The following TMEM14A variants were observed in gnomAD, a reference collection of about 807,000 sequenced individuals.
TMEM14A encodes the protein transmembrane protein 14A.
Under a neutral mutation model 11.6 loss-of-function variants are expected in TMEM14A, and 8 were observed. The observed-to-expected ratio is 0.69, with a 90% CI of 0.40 to 1.24. The LOEUF (loss-of-function observed/expected upper bound fraction) is 1.24, where lower values mean the gene tolerates loss of function less well. TMEM14A is among the 50% of genes most tolerant of loss of function. The pLI is 0.01. For synonymous variants in TMEM14A, 34 were observed against 45.5 expected (o/e 0.75, Z 1.02); for missense variants, 108 against 121.9 (o/e 0.89, Z 0.54).
At chr6:52,680,840 C>T (rs1008669593) in intron 2 of TMEM14A, among the ~76,000 whole-genome samples, 11 of 148,524 alleles carry the variant, frequency 7.4e-5, no homozygotes, top group Non-Finnish European at 4.5e-5. Flanking sequence ...TTTGTCTTCT[C>T]ATTCAGAATG....
At chr6:52,684,035 A>AAACC in intron 3 of TMEM14A, 43 bp from the exon 4 acceptor site, 1 of 1,571,700 alleles carries the variant, frequency 6.4e-7, no homozygotes, top group Admixed American at 1.7e-5. Flanking sequence ...AAGCATTGAT[A>AAACC]ACATGTTTGA....
In TMEM14A at chr6:52,673,693, A is replaced by G. The variant is rs549162672; in HGVS notation, c.-17+2448A>G. 1.1e-4 allele frequency among the ~76,000 whole-genome samples: 16 copies of G among 152,204 alleles called. No homozygotes were observed. The South Asian group carries it at 2.7e-3, about 26-fold the overall frequency. Reference sequence around the variant, plus strand: ...GGGCTCATTCACACATCTGCCTCCTACAGCTGTGTTGTACTATAGTTCCTG... The same window carrying G: ...GGGCTCATTCACACATCTGCCTCCTGCAGCTGTGTTGTACTATAGTTCCTG... On this transcript the variant is annotated intron_variant, in intron 1 of 4. Transcript: ENST00000211314.
intron 2 of TMEM14A, among the ~76,000 whole-genome samples, chr6:52,678,317 GTA>G (rs1491031495): frequency 2.4e-3 from 77 of 31,756 alleles, no homozygotes; most frequent in African/African-American, 9.3e-3. Flanking sequence ...GAGAGTGTGT[GTA>G]TGTGTGTGTT....
rs1769496821 is a variant in TMEM14A, at chr6:52,686,509, T to A, written c.*460T>A. On this transcript the variant is annotated 3_prime_UTR_variant, in exon 5 of 5. Transcript: ENST00000211314. ...TTGCTGCCAGTGCTATTTTTTTCTT[T>A]AAAAAATTTTATTCTTAGCACACTG... The A allele has an allele frequency of 2.6e-6, 1 of 382,326 alleles. No homozygotes were observed. Among genetic ancestry groups the A allele is most frequent in the Non-Finnish European group, 4.7e-6 (1 of 214,722 alleles). The allele number at this position is 382,326 out of a possible 1,614,324, so 23.7% of individuals were successfully genotyped here.
chr6:52,676,200 T>C (rs1769255140), intron 1 of TMEM14A, among the ~76,000 whole-genome samples: 1 of 152,074 alleles, frequency 6.6e-6, no homozygotes, highest in Admixed American at 6.6e-5. Context: ...CAGAGTGTGC[T>C]TAACAGTGAT....
intron 2 of TMEM14A, among the ~76,000 whole-genome samples, chr6:52,680,669 G>GTGTATATATA (rs1769360469): frequency 1.4e-4 from 5 of 35,970 alleles, no homozygotes; most frequent in Admixed American, 1.1e-3. Flanking sequence ...ATATATATGT[G>GTGTATATATA]TATATATATA....
intron 1 of TMEM14A, among the ~76,000 whole-genome samples, chr6:52,672,337 T>TG (rs1028749471): frequency 1.4e-5 from 2 of 142,574 alleles, no homozygotes; most frequent in African/African-American, 4.9e-5. Context: ...CAGGAAGAGC[T>TG]GGGGGGCTCA....
At chr6:52,674,401 T>G (rs1769216842) in intron 1 of TMEM14A, among the ~76,000 whole-genome samples, 2 of 152,210 alleles carry the variant, frequency 1.3e-5, no homozygotes. Context: ...AGGTTAGGAC[T>G]GAGACTTCCC....
intron 2 of TMEM14A, among the ~76,000 whole-genome samples, chr6:52,680,182 A>G (rs942897511): frequency 4.6e-5 from 7 of 152,064 alleles, no homozygotes; most frequent in Non-Finnish European, 1.0e-4. Context: ...GCATATAAAC[A>G]TATGATCAGG....
At chr6:52,681,615 T>G (rs1344812025) in intron 2 of TMEM14A, among the ~76,000 whole-genome samples, 198 bp from the exon 3 acceptor site, 2 of 152,204 alleles carry the variant, frequency 1.3e-5, no homozygotes, top group Non-Finnish European at 2.9e-5. Context: ...CTCCTCTGCC[T>G]TGCATTTGGG....
chr6:52,680,581 A>ATATT (rs1242807893), intron 2 of TMEM14A, among the ~76,000 whole-genome samples: 1 of 60,724 alleles, frequency 1.6e-5, no homozygotes, highest in Admixed American at 1.4e-4. Context: ...AAGCCACTAT[A>ATATT]TATTTATATA....
In TMEM14A at chr6:52,674,520, T is replaced by C. The variant is rs184673314; in HGVS notation, c.-16-2567T>C. ...AGGATAATCATGACAGTACATACCA[T>C]AGGGTGTGGTCATGATTACATGAGT... On this transcript the variant is annotated intron_variant, in intron 1 of 4. Coordinates refer to ENST00000211314, the MANE Select transcript of TMEM14A (RefSeq NM_014051.4). Among the ~76,000 whole-genome samples, 17 of 152,278 alleles carry C rather than the reference T, an allele frequency of 1.1e-4. No individual in the cohort carries two copies. In the East Asian group the frequency reaches 3.1e-3, roughly 28 times the overall value.
At chr6:52,680,657 G>GTGTATATATATA (rs1769357098) in intron 2 of TMEM14A, among the ~76,000 whole-genome samples, 1 of 46,640 alleles carries the variant, frequency 2.1e-5, no homozygotes, top group Non-Finnish European at 4.1e-5. Flanking sequence ...ATATGTGTGT[G>GTGTATATATATA]TATATATATG....
intron 2 of TMEM14A, among the ~76,000 whole-genome samples, chr6:52,680,236 G>A (rs549867171): frequency 6.6e-6 from 1 of 151,976 alleles, no homozygotes; most frequent in South Asian, 2.1e-4. Flanking sequence ...AGAATGGTGG[G>A]TTGGAGAAGA....
At chr6:52,683,060 G>A (rs1459356851) in intron 3 of TMEM14A, among the ~76,000 whole-genome samples, 1 of 152,088 alleles carries the variant, frequency 6.6e-6, no homozygotes, top group African/African-American at 2.4e-5. Flanking sequence ...ATTAATGAGT[G>A]TCTCCTGTGG....
chr6:52,680,904 T>TTGTGTTTG (rs1271994572), intron 2 of TMEM14A, among the ~76,000 whole-genome samples: 1 of 148,972 alleles, frequency 6.7e-6, no homozygotes, highest in South Asian at 2.1e-4. Context: ...GTTGTATGTG[T>TTGTGTTTG]TGTGTTTGTG....
intron 1 of TMEM14A, among the ~76,000 whole-genome samples, chr6:52,676,828 C>T (rs912496251): frequency 1.3e-5 from 2 of 152,140 alleles, no homozygotes; most frequent in Non-Finnish European, 2.9e-5. Context: ...GGAAGTGCTA[C>T]ACGCTTTCAA....
At chr6:52,671,292 T>A (rs1769155786) in intron 1 of TMEM14A, 47 bp downstream of exon 1, 1 of 152,322 alleles carries the variant, frequency 6.6e-6, no homozygotes, top group Non-Finnish European at 1.5e-5. Flanking sequence ...CTGAATTTTC[T>A]TACAAAACTG....
chr6:52,674,602 C>T (rs1769220584), intron 1 of TMEM14A, among the ~76,000 whole-genome samples: 1 of 152,106 alleles, frequency 6.6e-6, no homozygotes, highest in Non-Finnish European at 1.5e-5. Flanking sequence ...ATAGTAATTG[C>T]TCAAAAACAT....
Sources: allele counts gnomAD v4.1 joint callset (sites outside exome capture counted in the v4.1 genomes callset), GRCh38; gene constraint gnomAD v4.1.1; transcripts MANE v1.5; gene names NCBI Gene and HGNC (gene_info 2026-07-23, HGNC 2026-07-21).